The following CDH13 variants were observed in gnomAD, a reference collection of about 807,000 sequenced individuals.
CDH13 encodes the protein cadherin-13.
In CDH13, 24 loss-of-function variants were observed where a neutral mutation model predicts 63.8. That is an observed-to-expected ratio of 0.38 (90% CI 0.27 to 0.53). CDH13 has a LOEUF of 0.53. Ranked by LOEUF, CDH13 falls within the 20% of genes least tolerant of loss-of-function variation. The probability of loss-of-function intolerance (pLI) is 0.85; values close to 1 mark genes in which losing one functional copy is unlikely to be tolerated. For synonymous variants in CDH13, 503 were observed against 355.3 expected (o/e 1.42, Z -4.67); for missense variants, 1,049 against 903.1 (o/e 1.16, Z -2.07).
At chr16:82,672,310 T>G (rs936712078) in intron 1 of CDH13, among the ~76,000 whole-genome samples, 37 of 152,158 alleles carry the variant, frequency 2.4e-4, no homozygotes, top group Admixed American at 1.5e-3. Context: ...TATTACTCCT[T>G]GATAGATAGC....
At chr16:82,696,368 A>G (rs2030291100) in intron 1 of CDH13, among the ~76,000 whole-genome samples, 1 of 152,258 alleles carries the variant, frequency 6.6e-6, no homozygotes, top group Non-Finnish European at 1.5e-5. Context: ...AATGTAAGTT[A>G]ATCAGAAAGT....
intron 2 of CDH13, chr16:82,884,367 C>T (rs2040810805): frequency 2.8e-6 from 1 of 358,566 alleles, no homozygotes; most frequent in Admixed American, 3.7e-5. Flanking sequence ...TTCTTCTAAC[C>T]AGGAGAGCTG....
chr16:83,437,282 T>C (rs1030561368), intron 6 of CDH13, among the ~76,000 whole-genome samples: 1 of 152,208 alleles, frequency 6.6e-6, no homozygotes, highest in Non-Finnish European at 1.5e-5. Flanking sequence ...ATGATAGTCC[T>C]TACCTCATAG....
At chr16:82,847,129 T>C (rs2039294074) in intron 1 of CDH13, among the ~76,000 whole-genome samples, 1 of 152,294 alleles carries the variant, frequency 6.6e-6, no homozygotes, top group Non-Finnish European at 1.5e-5. Flanking sequence ...CAAATTATAT[T>C]TACATGTTAA....
At chr16:83,467,277 C>G (rs2073339405) in intron 6 of CDH13, among the ~76,000 whole-genome samples, 1 of 152,148 alleles carries the variant, frequency 6.6e-6, no homozygotes, top group Non-Finnish European at 1.5e-5. Flanking sequence ...GAAGAAAAGA[C>G]TTGTCTTGTC....
intron 6 of CDH13, among the ~76,000 whole-genome samples, chr16:83,357,495 A>T (rs942242428): frequency 1.3e-5 from 2 of 152,184 alleles, no homozygotes; most frequent in African/African-American, 4.8e-5. Flanking sequence ...AAACTCAGGT[A>T]ACCCAAGAGA....
At chr16:82,739,653 G>T (rs1279123242) in intron 1 of CDH13, among the ~76,000 whole-genome samples, 2 of 152,130 alleles carry the variant, frequency 1.3e-5, no homozygotes, top group African/African-American at 4.8e-5. Context: ...ATTTAAAATA[G>T]TTTAAATCTT....
intron 1 of CDH13, among the ~76,000 whole-genome samples, chr16:82,787,502 G>T (rs534843431): frequency 6.6e-6 from 1 of 152,280 alleles, no homozygotes; most frequent in Admixed American, 6.5e-5. Flanking sequence ...AAAAAATGCT[G>T]CATTGGGGGG....
At chr16:83,446,089 G>C (rs1384115028) in intron 6 of CDH13, among the ~76,000 whole-genome samples, 1 of 151,998 alleles carries the variant, frequency 6.6e-6, no homozygotes, top group South Asian at 2.1e-4. Context: ...GATTACAGGA[G>C]GTCAGGAGTT....
chr16:83,433,779 A>G (rs760107382), intron 6 of CDH13, among the ~76,000 whole-genome samples: 11 of 152,230 alleles, frequency 7.2e-5, no homozygotes, highest in Non-Finnish European at 1.2e-4. Flanking sequence ...TTGTTTATGC[A>G]AGAACCGTGC....
intron 5 of CDH13, among the ~76,000 whole-genome samples, chr16:83,329,428 G>A (rs994069480): frequency 2.0e-5 from 3 of 151,248 alleles, no homozygotes; most frequent in African/African-American, 4.9e-5. Flanking sequence ...GTAGAGATGG[G>A]GTTTCGCCAT....
chr16:83,023,911 T>G (rs1915573016), intron 2 of CDH13, among the ~76,000 whole-genome samples: 1 of 152,196 alleles, frequency 6.6e-6, no homozygotes, highest in African/African-American at 2.4e-5. Context: ...TTCTTTTGAG[T>G]CAATGTCTTC....
chr16:83,213,282 G>A (rs555066231), intron 4 of CDH13, among the ~76,000 whole-genome samples: 1 of 152,136 alleles, frequency 6.6e-6, no homozygotes, highest in Non-Finnish European at 1.5e-5. Flanking sequence ...AAATGACTGA[G>A]ACCCACCCTT....
chr16:83,414,756 C>T (rs190300146), intron 6 of CDH13, among the ~76,000 whole-genome samples: 6 of 152,162 alleles, frequency 3.9e-5, no homozygotes, highest in Non-Finnish European at 5.9e-5. Context: ...ATATCCTTCA[C>T]TTGTGAGGTT....
At chr16:83,336,747 C>G (rs988632772) in intron 5 of CDH13, among the ~76,000 whole-genome samples, 3 of 152,192 alleles carry the variant, frequency 2.0e-5, no homozygotes, top group African/African-American at 7.2e-5. Flanking sequence ...TAAATCATTT[C>G]TCTTCGGAAT....
In CDH13 at chr16:83,014,780, A is replaced by ATG. The variant is rs1914559928; in HGVS notation, c.158-17229_158-17228insGT. On this transcript the variant is annotated intron_variant, in intron 2 of 13. Coordinates refer to ENST00000567109, the MANE Select transcript of CDH13 (RefSeq NM_001257.5). ...TATATATATATATATATATATGTAT[A>ATG]TATATATATTTGTATATATATATGT... is the stretch of plus-strand genomic sequence containing the variant. Among the ~76,000 whole-genome samples, 3 of 117,900 alleles carry ATG rather than the reference A, an allele frequency of 2.5e-5. No individual in the cohort carries two copies. In the Admixed American group the frequency reaches 2.8e-4, roughly 11 times the overall value. The allele number at this position is 117,900 out of a possible 152,430, so 77.3% of individuals were successfully genotyped here.
intron 5 of CDH13, among the ~76,000 whole-genome samples, chr16:83,269,329 T>A (rs1174332570): frequency 6.6e-6 from 1 of 152,184 alleles, no homozygotes; most frequent in Non-Finnish European, 1.5e-5. Context: ...ATTACAAAAC[T>A]TCATTAAATA....
At chr16:83,133,877 C>G (rs1156745205) in intron 4 of CDH13, among the ~76,000 whole-genome samples, 2 of 152,214 alleles carry the variant, frequency 1.3e-5, no homozygotes, top group Non-Finnish European at 2.9e-5. Flanking sequence ...GAGACAATGT[C>G]CTTCCCTGCC....
intron 10 of CDH13, among the ~76,000 whole-genome samples, chr16:83,726,590 C>T (rs369684591): frequency 6.6e-6 from 1 of 152,162 alleles, no homozygotes; most frequent in Non-Finnish European, 1.5e-5. Context: ...AATCCCGGCC[C>T]TTTGGGAGGC....
Sources: allele counts gnomAD v4.1 joint callset (sites outside exome capture counted in the v4.1 genomes callset), GRCh38; gene constraint gnomAD v4.1.1; transcripts MANE v1.5; gene names NCBI Gene and HGNC (gene_info 2026-07-23, HGNC 2026-07-21).